CPNE1: variants seen among roughly 807,000 people sequenced by gnomAD.
The protein encoded by CPNE1 is copine 1.
A neutral mutation model predicts 63.2 loss-of-function variants in CPNE1; 58 were observed. The ratio of observed to expected loss-of-function variants is 0.92; its 90% CI spans 0.74 to 1.14. The LOEUF is 1.14. Ranked by LOEUF, CPNE1 falls within the 50% of genes most tolerant of loss-of-function variation. The pLI, the probability that CPNE1 is intolerant of heterozygous loss-of-function variation, is 0.00. For synonymous variants in CPNE1, 237 were observed against 249.0 expected, an observed-to-expected ratio of 0.95 and a Z score of 0.45; for missense variants, 672 against 661.7, an observed-to-expected ratio of 1.02 and a Z score of -0.17.
intron 7 of CPNE1, 35 bp downstream of exon 7, chr20:35,631,653 T>A (rs1314742411): frequency 6.2e-7 from 1 of 1,610,298 alleles, no homozygotes; most frequent in Non-Finnish European, 8.5e-7. Context: ...GGTTCTCTTC[T>A]CCAGCGCAGT....
At chr20:35,637,042 A>C (rs534669593) in intron 1 of CPNE1, among the ~76,000 whole-genome samples, 28 of 152,308 alleles carry the variant, frequency 1.8e-4, no homozygotes, top group Middle Eastern at 3.4e-3. Context: ...GAAATAAAAA[A>C]CAAAAACAAA....
intron 1 of CPNE1, chr20:35,654,629 C>G: frequency 6.2e-7 from 1 of 1,614,030 alleles, no homozygotes; most frequent in Non-Finnish European, 8.5e-7. Context: ...ATGGGTGGCA[C>G]AGAAGGAACT....
intron 1 of CPNE1, among the ~76,000 whole-genome samples, chr20:35,646,485 A>T (rs867958004): frequency 6.6e-6 from 1 of 151,400 alleles, no homozygotes; most frequent in African/African-American, 2.4e-5. Flanking sequence ...GGCCTCCCAA[A>T]GTGCTGGGAT....
Position 35,626,077 on chromosome 20 carries a change from G to T in CPNE1, c.*164C>A. 1.3e-6 allele frequency: 1 copy of T among 753,374 alleles called. No homozygotes were observed. Among genetic ancestry groups the T allele is most frequent in the South Asian group, 1.6e-5 (1 of 62,174 alleles). 46.7% of individuals were successfully genotyped at this position (753,374 alleles called of 1,614,324 possible). On this transcript the variant is annotated 3_prime_UTR_variant, in exon 16 of 16. Coordinates refer to ENST00000397443, the MANE Select transcript of CPNE1 (RefSeq NM_152925.3). The stretch of plus-strand genomic sequence containing the variant: ...CACTGGTCTTTATTGAATGAGGGTT[G>T]TCAGGAGCAAAGGTGGGATCAAGAG...
At chr20:35,655,080 A>G in intron 1 of CPNE1, 1 of 1,614,182 alleles carries the variant, frequency 6.2e-7, no homozygotes, top group Non-Finnish European at 8.5e-7. Context: ...GTTCAATCAT[A>G]TTCTGCATTT....
chr20:35,649,107 G>C (rs2033325464), intron 1 of CPNE1: 1 of 152,556 alleles, frequency 6.6e-6, no homozygotes, highest in Admixed American at 6.5e-5. Flanking sequence ...CTAAAGTCTG[G>C]ACTACTATAG....
intron 1 of CPNE1, chr20:35,658,813 AC>A (rs935414242): frequency 2.4e-5 from 12 of 496,790 alleles, no homozygotes; most frequent in Non-Finnish European, 4.0e-5. Context: ...ACACACACAC[AC>A]ACACACACAC....
chr20:35,648,345 A>G (rs939339921), intron 1 of CPNE1, among the ~76,000 whole-genome samples: 4 of 152,262 alleles, frequency 2.6e-5, no homozygotes, highest in African/African-American at 9.6e-5. Flanking sequence ...GATGATGCAC[A>G]TAGTTGATAA....
At chr20:35,658,664 G>C (rs1312785032) in intron 1 of CPNE1, among the ~76,000 whole-genome samples, 1 of 152,122 alleles carries the variant, frequency 6.6e-6, no homozygotes, top group Non-Finnish European at 1.5e-5. Flanking sequence ...GGGAGGCTGA[G>C]GCAGAGAAGT....
At chr20:35,645,405 T>C (rs1386146684) in intron 1 of CPNE1, among the ~76,000 whole-genome samples, 1 of 152,182 alleles carries the variant, frequency 6.6e-6, no homozygotes, top group Non-Finnish European at 1.5e-5. Flanking sequence ...ACTTAGCAAA[T>C]GGCCAGGAAA....
rs755229287 is a variant in CPNE1 at position 35,652,922 on chromosome 20, C to T, written c.-1+11838G>A. On this transcript the variant is annotated intron_variant, in intron 1 of 15. Transcript: ENST00000397443. ...GGGCCACTTCCAAACCCCGGGGGAC[C>T]GCCTAAGCTACCAGGGCCATTTCCA... 1.1e-4 allele frequency: 175 copies of T among 1,613,648 alleles called. No individual in the cohort carries two copies. The highest frequency in any genetic ancestry group is 1.4e-4 in the Non-Finnish European group (165 of 1,180,036).
intron 1 of CPNE1, chr20:35,651,368 T>A (rs567498101): frequency 1.3e-5 from 2 of 152,336 alleles, no homozygotes; most frequent in East Asian, 3.8e-4. Flanking sequence ...GCTGCACTTG[T>A]ACTCTGTATG....
At chr20:35,645,203 AACCT>A (rs1327346653) in intron 1 of CPNE1, among the ~76,000 whole-genome samples, 1 of 152,226 alleles carries the variant, frequency 6.6e-6, no homozygotes, top group African/African-American at 2.4e-5. Context: ...TTGGAAAAGA[AACCT>A]ACCTATTGTT....
chr20:35,631,342 A>T lies in CPNE1; in HGVS notation c.727T>A (p.Cys243Ser), dbSNP rs776142413. 3 of 1,614,138 alleles carry T rather than the reference A, an allele frequency of 1.9e-6. No individual in the cohort carries two copies. In the South Asian group the frequency reaches 3.3e-5, roughly 18 times the overall value. The stretch of plus-strand genomic sequence containing the variant: ...TTCTGCTGCTTCTCAGGGTGGATGC[A>T]TTCAAACTCAGCCTGGTGAGGACAG... ...QLQAVPAEFE[C>S]IHPEKQQKKK... Residue 243 changes from cysteine to serine, a missense_variant, in exon 9 of 16, where the codon TGC (cysteine) becomes AGC (serine). Transcript: ENST00000397443.
At chr20:35,637,087 T>C (rs1395926352) in intron 1 of CPNE1, among the ~76,000 whole-genome samples, 2 of 152,040 alleles carry the variant, frequency 1.3e-5, no homozygotes, top group Non-Finnish European at 2.9e-5. Context: ...TCATCAGCTT[T>C]CCCCCCAAAT....
At chr20:35,653,509 T>C (rs755573117) in intron 1 of CPNE1, 9 of 1,614,116 alleles carry the variant, frequency 5.6e-6, no homozygotes, top group Non-Finnish European at 7.6e-6. Context: ...TTTTTTACGG[T>C]GTAAGCGTTC....
chr20:35,662,603 T>C (rs1601501168), intron 1 of CPNE1, among the ~76,000 whole-genome samples: 1 of 152,214 alleles, frequency 6.6e-6, no homozygotes, highest in African/African-American at 2.4e-5. Context: ...CTACTGACAC[T>C]TGGTTCTTCC....
Position 35,626,768 on chromosome 20 carries a change from A to G in CPNE1, c.1272T>C (p.Ala424=), listed in dbSNP as rs555186307. The change falls in exon 15 of 16, where the codon GCT becomes GCC. Residue 424 remains alanine, a synonymous_variant. Transcript: ENST00000397443. ...YFMLLLLTDG[A]VTDVEATREA... The stretch of plus-strand genomic sequence containing the variant: ...CACGTGTGGCTTCCACATCCGTCAC[A>G]GCACCATCAGTCAGCAGCAACAGCA... The G allele has an allele frequency of 6.2e-7, 1 of 1,614,186 alleles. No individual in the cohort carries two copies. Among genetic ancestry groups the G allele is most frequent in the East Asian group, 2.2e-5 (1 of 44,886 alleles).
chr20:35,654,702 TGGG>T (rs1018123797), intron 1 of CPNE1: 1 of 1,613,450 alleles, frequency 6.2e-7, no homozygotes, highest in Non-Finnish European at 8.5e-7. Context: ...GAACTGGAAT[TGGG>T]GGAATGGATG....
Sources: allele counts gnomAD v4.1 joint callset (sites outside exome capture counted in the v4.1 genomes callset), GRCh38; gene constraint gnomAD v4.1.1; transcripts MANE v1.5; gene names NCBI Gene and HGNC (gene_info 2026-07-23, HGNC 2026-07-21).